SMC3: variants seen among roughly 807,000 people sequenced by gnomAD.
The protein encoded by SMC3 is structural maintenance of chromosomes protein 3.
A neutral mutation model predicts 171.8 loss-of-function variants in SMC3; 20 were observed. The observed-to-expected ratio is 0.12, with a 90% CI of 0.08 to 0.17. The LOEUF (loss-of-function observed/expected upper bound fraction) is 0.17. Among genes scored for constraint, SMC3 ranks in the 10% least tolerant of loss-of-function variants. The pLI, the probability that SMC3 is intolerant of heterozygous loss-of-function variation, is 1.00. For missense variants in SMC3, 543 were observed against 1,420.4 expected (o/e 0.38, Z 9.93); for synonymous variants, 464 against 451.1 (o/e 1.03, Z -0.36).
chr10:110,601,582 A>G, intron 23 of SMC3, 55 bp from the exon 24 acceptor site: 4 of 1,566,664 alleles, frequency 2.6e-6, no homozygotes, highest in Admixed American at 3.4e-5. Flanking sequence ...TATACTCAAC[A>G]TATAACACTG....
At chr10:110,593,266 C>T in intron 18 of SMC3, 43 bp downstream of exon 18, 7 of 1,588,856 alleles carry the variant, frequency 4.4e-6, no homozygotes, top group African/African-American at 1.3e-5. Context: ...TAAATTCTAA[C>T]AAATCATTTA....
chr10:110,584,637 T>G lies in SMC3; in HGVS notation c.1305+241T>G, dbSNP rs532665420. On this transcript the variant is annotated intron_variant, in intron 13 of 28. Coordinates refer to ENST00000361804, the MANE Select transcript of SMC3 (RefSeq NM_005445.4). ...TTAAAATGTATGTATGTATTTTTAA[T>G]TTTTTTGAGATAGGGTCTTGTTCTG... Among the ~76,000 whole-genome samples the G allele has an allele frequency of 2.3e-4, 35 of 152,320 alleles. No individual in the cohort carries two copies. In the South Asian group the frequency reaches 7.3e-3, roughly 32 times the overall value.
At chr10:110,592,970 G>A (rs898354777) in intron 17 of SMC3, 103 bp from the exon 18 acceptor site, 36 of 958,452 alleles carry the variant, frequency 3.8e-5, no homozygotes, top group Non-Finnish European at 5.3e-5. Flanking sequence ...GAAATATAAT[G>A]GTGTTTATGG....
At chr10:110,576,062 T>G (rs949495748) in intron 4 of SMC3, among the ~76,000 whole-genome samples, 1 of 152,174 alleles carries the variant, frequency 6.6e-6, no homozygotes, top group African/African-American at 2.4e-5. Context: ...CGGGGTTATG[T>G]CCTAATAAAC....
In SMC3 at chr10:110,573,933, T is replaced by A. The variant is rs77883229; in HGVS notation, c.130+188T>A. ...TTCTGCTTTATACCCAGTGGCTGAT[T>A]AGCTGTGTGAGAGTGGGCAAAACAC... On this transcript the variant is annotated intron_variant, in intron 3 of 28. Transcript: ENST00000361804. Among the ~76,000 whole-genome samples, 200 of 152,260 alleles carry A rather than the reference T, an allele frequency of 1.3e-3. 3 individuals carry two copies. The highest frequency in any genetic ancestry group is 6.6e-4 in the Non-Finnish European group (45 of 68,020).
At chr10:110,597,649 A>T (rs536017441) in intron 19 of SMC3, among the ~76,000 whole-genome samples, 2 of 152,338 alleles carry the variant, frequency 1.3e-5, no homozygotes, top group South Asian at 4.1e-4. Flanking sequence ...CAAAGAGCGT[A>T]TGGGGAAATA....
At chr10:110,575,474 A>G in intron 4 of SMC3, 71 bp downstream of exon 4, 1 of 1,106,842 alleles carries the variant, frequency 9.0e-7, no homozygotes, top group Non-Finnish European at 1.4e-6. Flanking sequence ...ATGCTGGTTA[A>G]AAAAGCATTT....
Position 110,577,499 on chromosome 10 carries a change from A to AAC in SMC3, c.270+8_270+9dup, listed in dbSNP as rs1213183739. 6.9e-6 allele frequency: 11 copies of AAC among 1,595,990 alleles called. No individual in the cohort carries two copies. In the Admixed American group the frequency reaches 1.8e-4, roughly 27 times the overall value. On this transcript the variant is annotated splice_region_variant and intron_variant, in intron 5 of 28. Transcript: ENST00000361804. ...TTCAGACAACCGGTTACCAGTAAGT[A>AAC]ACTTTTTTTTTAAAGTAATGTTGAG...
intron 13 of SMC3, among the ~76,000 whole-genome samples, chr10:110,586,390 C>A (rs758732005): frequency 1.9e-4 from 29 of 152,124 alleles, no homozygotes; most frequent in Non-Finnish European, 3.4e-4. Flanking sequence ...TTAATCCAGG[C>A]AGTTCTTTAT....
rs368472691 is a variant in SMC3, at chr10:110,590,360, G to A, written c.1510-52G>A. 10 of 1,449,934 alleles carry A rather than the reference G, an allele frequency of 6.9e-6. No homozygotes were observed. In the African/African-American group the frequency reaches 7.0e-5, roughly 10 times the overall value. 89.8% of individuals were successfully genotyped at this position (1,449,934 alleles called of 1,614,324 possible). A position where few individuals can be genotyped will look rare whatever the true frequency, so the allele number is the denominator to read the frequency against. On this transcript the variant is annotated intron_variant, in intron 15 of 28. Transcript: ENST00000361804. ...GTGTTGTGGGCTCATTCCTTACCAG[G>A]AGTGCCATTGATGATATTATTTTAA... is the stretch of plus-strand genomic sequence containing the variant.
At position 110,605,971 on chromosome 10, in the gene SMC3, A is replaced by G. The variant is rs1564797175; in HGVS notation, c.*1669A>G. 6.6e-6 allele frequency among the ~76,000 whole-genome samples: 1 copy of G among 152,348 alleles called. No individual in the cohort carries two copies. Among genetic ancestry groups the G allele is most frequent in the South Asian group, 2.1e-4 (1 of 4,826 alleles). On this transcript the variant is annotated 3_prime_UTR_variant, in exon 29 of 29. Transcript: ENST00000361804. The stretch of plus-strand genomic sequence containing the variant: ...CTAGAACTTCTTAATATTGTTCTTA[A>G]GCATTTCCCCAAGGATATTAGTATA...
chr10:110,567,994 C>A (rs1254193218), intron 1 of SMC3, among the ~76,000 whole-genome samples, 163 bp downstream of exon 1: 3 of 152,234 alleles, frequency 2.0e-5, no homozygotes, highest in African/African-American at 7.2e-5. Context: ...CCCGCTAGTG[C>A]CCCGGCTGCG....
Position 110,582,110 on chromosome 10 carries a change from A to G in SMC3, c.723+12A>G. The G allele has an allele frequency of 1.2e-6, 2 of 1,601,156 alleles. No homozygotes were observed. Among genetic ancestry groups the G allele is most frequent in the Non-Finnish European group, 1.7e-6 (2 of 1,168,356 alleles). ...CCAAACTTGATGAGGTAAAATATTT[A>G]CCTGTGACACTTAAAATCAGATTAA... On this transcript the variant is annotated intron_variant, in intron 9 of 28. Coordinates refer to ENST00000361804, the MANE Select transcript of SMC3 (RefSeq NM_005445.4).
At chr10:110,596,352 T>G (rs1861300670) in intron 18 of SMC3, 46 bp from the exon 19 acceptor site, 1 of 1,529,490 alleles carries the variant, frequency 6.5e-7, no homozygotes, top group Non-Finnish European at 8.9e-7. Context: ...AATTTATCAT[T>G]GAATAAAAAA....
intron 23 of SMC3, 127 bp downstream of exon 23, chr10:110,601,257 A>G: frequency 2.7e-6 from 2 of 738,298 alleles, no homozygotes; most frequent in Non-Finnish European, 4.7e-6. Flanking sequence ...TAAACAATGT[A>G]TAGCAAATGG....
intron 13 of SMC3, among the ~76,000 whole-genome samples, chr10:110,585,861 G>A (rs1483930946): frequency 1.3e-5 from 2 of 151,774 alleles, no homozygotes; most frequent in Admixed American, 6.6e-5. Context: ...GCAGTGGCGC[G>A]ATCTCGGCTC....
intron 13 of SMC3, among the ~76,000 whole-genome samples, chr10:110,587,638 A>G (rs1861142344): frequency 6.6e-6 from 1 of 151,486 alleles, no homozygotes; most frequent in Non-Finnish European, 1.5e-5. Flanking sequence ...GTGAGCCAAG[A>G]TTGCACCACT....
chr10:110,596,055 A>G (rs1220259005), intron 18 of SMC3, among the ~76,000 whole-genome samples: 14 of 150,670 alleles, frequency 9.3e-5, no homozygotes, highest in Non-Finnish European at 5.9e-5. Flanking sequence ...CTGGGCACAT[A>G]GCAAGACCTG....
chr10:110,579,869 TATC>T (rs1465889591), intron 7 of SMC3, among the ~76,000 whole-genome samples: 1 of 152,240 alleles, frequency 6.6e-6, no homozygotes, highest in Non-Finnish European at 1.5e-5. Flanking sequence ...AATGCAGTGA[TATC>T]ATTTTTGACA....
Sources: allele counts gnomAD v4.1 joint callset (sites outside exome capture counted in the v4.1 genomes callset), GRCh38; gene constraint gnomAD v4.1.1; transcripts MANE v1.5; gene names NCBI Gene and HGNC (gene_info 2026-07-23, HGNC 2026-07-21).